The following CUX1 variants were observed in gnomAD, a reference collection of about 807,000 sequenced individuals.
CUX1 encodes cut like homeobox 1.
Under a neutral mutation model 158.8 loss-of-function variants are expected in CUX1, and 31 were observed. That is an observed-to-expected ratio of 0.20 (90% CI 0.15 to 0.26). The LOEUF (loss-of-function observed/expected upper bound fraction) is 0.26, where lower values mean the gene tolerates loss of function less well. CUX1 is among the 10% of genes least tolerant of loss of function. The pLI is 1.00. For missense variants in CUX1, 1,589 were observed against 2,014.6 expected, an observed-to-expected ratio of 0.79 and a Z score of 4.04; for synonymous variants, 879 against 862.1, an observed-to-expected ratio of 1.02 and a Z score of -0.34.
chr7:102,050,270 A>G (rs1823326836), intron 3 of CUX1, among the ~76,000 whole-genome samples: 1 of 152,220 alleles, frequency 6.6e-6, no homozygotes, highest in African/African-American at 2.4e-5. Context: ...CAGCGACGTT[A>G]TATGCACATG....
intron 4 of CUX1, among the ~76,000 whole-genome samples, chr7:102,096,893 G>A (rs1398336212): frequency 4.6e-5 from 7 of 152,284 alleles, no homozygotes; most frequent in East Asian, 3.9e-4. Context: ...AAAGTGTCCC[G>A]TGAACTGTGT....
intron 11 of CUX1, among the ~76,000 whole-genome samples, chr7:102,189,102 C>CCTGATGCCTAT (rs1209924262): frequency 6.6e-6 from 1 of 152,106 alleles, no homozygotes; most frequent in Non-Finnish European, 1.5e-5. Context: ...AGGCCTTTGC[C>CCTGATGCCTAT]CTGATGCCTA....
At chr7:102,153,064 G>A (rs529277716) in intron 8 of CUX1, among the ~76,000 whole-genome samples, 6 of 152,226 alleles carry the variant, frequency 3.9e-5, no homozygotes, top group East Asian at 1.9e-4. Context: ...GCACCTTCCC[G>A]CGTCAGTGGG....
intron 2 of CUX1, among the ~76,000 whole-genome samples, chr7:101,983,529 C>T (rs117334200): frequency 1.1e-3 from 167 of 152,236 alleles, no homozygotes; most frequent in African/African-American, 3.9e-3. Context: ...AAGAAATACC[C>T]GAGGCTGAGT....
Position 102,248,341 on chromosome 7 carries a change from G to A in CUX1, c.3888-71G>A. 2.9e-6 allele frequency: 4 copies of A among 1,392,334 alleles called. No individual in the cohort carries two copies. In the Admixed American group the frequency reaches 8.5e-5, roughly 30 times the overall value. The allele number at this position is 1,392,334 out of a possible 1,614,324, so 86.2% of individuals were successfully genotyped here. A position where few individuals can be genotyped will look rare whatever the true frequency, so the allele number is the denominator to read the frequency against. The stretch of plus-strand genomic sequence containing the variant: ...CAGGAGCCCCAGAGAGAGGGGTCTG[G>A]CTGGGGTAGCACCAGAGGCCCTTTC... On this transcript the variant is annotated intron_variant, in intron 23 of 23. Transcript: ENST00000292535. This position sits in a 1 kb window ranked among gnomAD's most constrained non-coding sequence, Gnocchi z 5.8.
At chr7:102,021,301 T>G (rs1024093776) in intron 2 of CUX1, among the ~76,000 whole-genome samples, 23 of 152,122 alleles carry the variant, frequency 1.5e-4, no homozygotes, top group African/African-American at 5.5e-4. Flanking sequence ...AAACCTGGAT[T>G]ATCAGATTTT....
At chr7:102,096,219 G>A (rs551369241) in intron 4 of CUX1, among the ~76,000 whole-genome samples, 7 of 152,346 alleles carry the variant, frequency 4.6e-5, no homozygotes, top group East Asian at 1.9e-4. Flanking sequence ...GGGCCATGCC[G>A]GGTCACCAGC....
chr7:102,075,685 G>A (rs1355840162), intron 4 of CUX1, among the ~76,000 whole-genome samples: 1 of 152,214 alleles, frequency 6.6e-6, no homozygotes, highest in Non-Finnish European at 1.5e-5. Context: ...TTCCCAGTGA[G>A]GGCGAGCACT....
chr7:102,274,410 C>A, intron 16 of CUX1: 1 of 1,066,226 alleles, frequency 9.4e-7, no homozygotes, highest in Non-Finnish European at 1.4e-6. Context: ...GTCCCTTCCT[C>A]TAAGAAGGTC....
At chr7:102,113,720 G>A (rs1235274092) in intron 7 of CUX1, among the ~76,000 whole-genome samples, 1 of 151,984 alleles carries the variant, frequency 6.6e-6, no homozygotes, top group Non-Finnish European at 1.5e-5. Context: ...ACCACACATG[G>A]CTACTTTTTT....
chr7:102,024,385 G>A (rs1030938280), intron 2 of CUX1, among the ~76,000 whole-genome samples: 2 of 152,136 alleles, frequency 1.3e-5, no homozygotes, highest in East Asian at 1.9e-4. Context: ...AGAGGGCATT[G>A]GTGCAGTCTC....
intron 4 of CUX1, among the ~76,000 whole-genome samples, chr7:102,075,182 A>C (rs956638733): frequency 4.0e-5 from 6 of 151,708 alleles, no homozygotes; most frequent in African/African-American, 7.3e-5. Context: ...TTTGTCACCA[A>C]CTCTGGCCAT....
chr7:101,957,108 C>G (rs1809874839), intron 2 of CUX1, among the ~76,000 whole-genome samples: 1 of 152,160 alleles, frequency 6.6e-6, no homozygotes, highest in Admixed American at 6.5e-5. Flanking sequence ...TATTATGTAA[C>G]TGATATTGTT....
At chr7:101,959,517 T>A (rs1810200065) in intron 2 of CUX1, 1 of 152,074 alleles carries the variant, frequency 6.6e-6, no homozygotes, top group South Asian at 2.1e-4. Context: ...GGGCTCTGAG[T>A]CCTCAGTGTT....
intron 4 of CUX1, among the ~76,000 whole-genome samples, chr7:102,090,559 T>C (rs1828463065): frequency 6.6e-6 from 1 of 152,020 alleles, no homozygotes; most frequent in Admixed American, 6.6e-5. Context: ...AGCTAATATT[T>C]CTGTATTTTC....
Position 102,248,421 on chromosome 7 carries a change from C to A in CUX1, c.3897C>A (p.Ile1299=). The A allele has an allele frequency of 6.3e-7, 1 of 1,594,824 alleles. No homozygotes were observed. ...GCTTGTTGTCTTGTAGGTCTCGGAT[C>A]CGCAGAGAACTGTTCATTGAGGAAA... ...INWFHNYRSR[I]RRELFIEEIQ... Residue 1299 remains isoleucine (I), a synonymous_variant, in exon 24 of 24, where the codon ATC becomes ATA. Coordinates refer to ENST00000292535, the MANE Select transcript of CUX1 (RefSeq NM_181552.4). The surrounding 1 kb of genome is among the most constrained non-coding windows in gnomAD (Gnocchi z 5.8).
intron 8 of CUX1, among the ~76,000 whole-genome samples, chr7:102,132,321 GCGCACGCCACGCACACA>G (rs1342256342): frequency 0.039 from 4 of 102 alleles, no homozygotes; most frequent in Non-Finnish European, 0.13. Context: ...GCGCGCGCGC[GCGCACGCCACGCACACA>G]CGCATCTTTA....
rs1301740220 is a variant in CUX1, at chr7:102,253,658, G to A, written c.*4616G>A. On this transcript the variant is annotated 3_prime_UTR_variant, in exon 24 of 24. Transcript: ENST00000292535. Reference sequence around the variant, plus strand: ...AGTCACACAAAAGCAGAGAGATTTTGAACTGAGGGGCGACAGCCTTTGCCT... The same window carrying A: ...AGTCACACAAAAGCAGAGAGATTTTAAACTGAGGGGCGACAGCCTTTGCCT... The A allele has an allele frequency of 2.0e-6, 2 of 983,630 alleles. No homozygotes were observed. The highest frequency in any genetic ancestry group is 1.8e-5 in the African/African-American group (1 of 55,920). 60.9% of individuals were successfully genotyped at this position (983,630 alleles called of 1,614,324 possible).
chr7:102,200,909 G>C (rs781931342), intron 17 of CUX1, among the ~76,000 whole-genome samples: 5 of 150,962 alleles, frequency 3.3e-5, no homozygotes, highest in African/African-American at 1.2e-4. Context: ...TGTGGTCCCA[G>C]CTACTTGGGA....
Sources: allele counts gnomAD v4.1 joint callset (sites outside exome capture counted in the v4.1 genomes callset), GRCh38; gene constraint gnomAD v4.1.1; non-coding constraint Gnocchi (gnomAD v3.1); transcripts MANE v1.5; gene names NCBI Gene and HGNC (gene_info 2026-07-23, HGNC 2026-07-21).